PPP1R12A: variants seen among roughly 807,000 people sequenced by gnomAD.
PPP1R12A encodes the protein myosin binding subunit.
PPP1R12A carries 19 observed loss-of-function variants against 139.6 expected under a neutral mutation model. The observed-to-expected ratio is 0.14, with a 90% CI of 0.09 to 0.20. The LOEUF (loss-of-function observed/expected upper bound fraction) is 0.20. Ranked by LOEUF, PPP1R12A falls within the 10% of genes least tolerant of loss-of-function variation. The probability of loss-of-function intolerance (pLI) is 1.00; values close to 1 mark genes in which losing one functional copy is unlikely to be tolerated. For missense variants in PPP1R12A, 925 were observed against 1,211.5 expected (o/e 0.76, Z 3.51); for synonymous variants, 427 against 420.6 (o/e 1.02, Z -0.19).
At chr12:79,933,495 T>A (rs769368685) in intron 1 of PPP1R12A, among the ~76,000 whole-genome samples, 19 of 152,334 alleles carry the variant, frequency 1.2e-4, no homozygotes, top group Middle Eastern at 3.4e-3. Flanking sequence ...AGGCTATGCA[T>A]CTTCCACACA....
At chr12:79,849,781 T>C (rs1325250950) in intron 2 of PPP1R12A, among the ~76,000 whole-genome samples, 2 of 152,152 alleles carry the variant, frequency 1.3e-5, no homozygotes, top group Non-Finnish European at 2.9e-5. Context: ...AAATCAAAGG[T>C]AGTCAACATA....
chr12:79,921,792 T>C (rs1887461129), intron 1 of PPP1R12A, among the ~76,000 whole-genome samples: 1 of 152,242 alleles, frequency 6.6e-6, no homozygotes, highest in South Asian at 2.1e-4. Context: ...CAGATATTGT[T>C]TAATATTTTA....
chr12:79,865,526 A>C (rs1881863813), intron 2 of PPP1R12A, among the ~76,000 whole-genome samples: 1 of 152,190 alleles, frequency 6.6e-6, no homozygotes. Flanking sequence ...AGGAAGTCAA[A>C]TTGTCTCTGT....
chr12:79,916,787 G>A (rs1489479368), intron 1 of PPP1R12A, among the ~76,000 whole-genome samples: 1 of 152,240 alleles, frequency 6.6e-6, no homozygotes. Flanking sequence ...CAGCTTCTTT[G>A]AGTGGCCAAA....
intron 1 of PPP1R12A, among the ~76,000 whole-genome samples, chr12:79,913,215 T>A (rs1227593300): frequency 6.6e-6 from 1 of 152,256 alleles, no homozygotes; most frequent in Non-Finnish European, 1.5e-5. Flanking sequence ...GCACACACAA[T>A]CTTTTCCTTT....
chr12:79,934,600 C>G, intron 1 of PPP1R12A, 95 bp downstream of exon 1: 4 of 1,186,802 alleles, frequency 3.4e-6, no homozygotes, highest in Non-Finnish European at 4.5e-6. Context: ...TCCCGCCGCC[C>G]CCAGCCTCAA....
intron 2 of PPP1R12A, among the ~76,000 whole-genome samples, chr12:79,872,413 C>T (rs1203595287): frequency 6.6e-6 from 1 of 152,120 alleles, no homozygotes; most frequent in African/African-American, 2.4e-5. Flanking sequence ...AACAGGCTCA[C>T]TGGAGAACTA....
chr12:79,853,858 T>G (rs118000013), intron 2 of PPP1R12A, among the ~76,000 whole-genome samples: 2,391 of 152,346 alleles, frequency 0.016, 36 homozygotes, highest in South Asian at 0.035. Flanking sequence ...TTTAATGTCA[T>G]TGAAATCTTT....
chr12:79,826,678 G>A (rs897019745), intron 5 of PPP1R12A, among the ~76,000 whole-genome samples: 35 of 152,108 alleles, frequency 2.3e-4, no homozygotes, highest in Admixed American at 6.6e-5. Flanking sequence ...ATGATAAATT[G>A]TATAGCATAG....
intron 1 of PPP1R12A, among the ~76,000 whole-genome samples, chr12:79,896,675 G>A (rs1006715712): frequency 5.9e-5 from 9 of 152,194 alleles, no homozygotes; most frequent in African/African-American, 9.6e-5. Flanking sequence ...TCTTTAGTTC[G>A]TAAAGGGGTG....
At chr12:79,817,635 C>T (rs182573192) in intron 8 of PPP1R12A, 117 bp from the exon 9 acceptor site, 9 of 990,310 alleles carry the variant, frequency 9.1e-6, no homozygotes, top group South Asian at 1.8e-5. Flanking sequence ...AAAGTCTTTC[C>T]CCACTGTGAT....
intron 1 of PPP1R12A, among the ~76,000 whole-genome samples, chr12:79,890,901 C>CCACCCACACA (rs1288710297): frequency 3.2e-5 from 1 of 30,952 alleles, no homozygotes; most frequent in Non-Finnish European, 5.5e-5. Context: ...CCACCCACAC[C>CCACCCACACA]CACCCACACA....
At chr12:79,872,692 T>C (rs1315460531) in intron 2 of PPP1R12A, 116 bp downstream of exon 2, 2 of 1,153,838 alleles carry the variant, frequency 1.7e-6, no homozygotes, top group South Asian at 3.6e-5. Flanking sequence ...TTGGAAAGAA[T>C]AATTTTCATG....
intron 20 of PPP1R12A, chr12:79,789,740 G>T (rs976317572): frequency 2.4e-6 from 1 of 410,510 alleles, no homozygotes. Flanking sequence ...TATAGTGGAG[G>T]TTCTCTGAAA....
At chr12:79,782,479 TCC>T in intron 22 of PPP1R12A, 1 of 423,200 alleles carries the variant, frequency 2.4e-6, no homozygotes, top group Admixed American at 3.1e-5. Context: ...TTTTTCCACT[TCC>T]TGTACTATCT....
intron 1 of PPP1R12A, among the ~76,000 whole-genome samples, chr12:79,915,943 T>C (rs1352913884): frequency 1.3e-5 from 2 of 151,410 alleles, no homozygotes; most frequent in Non-Finnish European, 2.9e-5. Flanking sequence ...ACAAAAAAAA[T>C]CAAGCTATAC....
chr12:79,852,861 G>A (rs892740596), intron 2 of PPP1R12A, among the ~76,000 whole-genome samples: 7 of 152,174 alleles, frequency 4.6e-5, no homozygotes, highest in Admixed American at 4.6e-4. Context: ...TAGAAGTGGT[G>A]AAAGCATTCA....
At chr12:79,846,731 C>G (rs1252913310) in intron 2 of PPP1R12A, among the ~76,000 whole-genome samples, 1 of 151,676 alleles carries the variant, frequency 6.6e-6, no homozygotes, top group Non-Finnish European at 1.5e-5. Context: ...GCCTGGCCTA[C>G]CCAAGTCAAT....
In PPP1R12A at chr12:79,809,954, A is replaced by C; in HGVS notation, c.1296T>G (p.Ser432=). The C allele has an allele frequency of 6.2e-7, 1 of 1,613,636 alleles. No individual in the cohort carries two copies. Among genetic ancestry groups the C allele is most frequent in the Non-Finnish European group, 8.5e-7 (1 of 1,179,728 alleles). ...SPKEEERKDE[S]PATWRLGLRK... ...TAAGTCCTAACCTCCAAGTTGCAGG[A>C]GACTCATCTTTTCTCTCTTCTTCTT... The change falls in exon 10 of 25, where the codon TCT becomes TCG. Residue 432 remains serine (S), a synonymous_variant. Coordinates refer to ENST00000450142, the MANE Select transcript of PPP1R12A (RefSeq NM_002480.3).
Sources: allele counts gnomAD v4.1 joint callset (sites outside exome capture counted in the v4.1 genomes callset), GRCh38; gene constraint gnomAD v4.1.1; transcripts MANE v1.5; gene names NCBI Gene and HGNC (gene_info 2026-07-23, HGNC 2026-07-21).